Variants in CTCF observed in about 807,000 individuals in gnomAD.
The protein encoded by CTCF is CCCTC-binding factor.
In CTCF, 7 loss-of-function variants were observed where a neutral mutation model predicts 72.3. That is an observed-to-expected ratio of 0.10 (90% CI 0.06 to 0.18). CTCF has a LOEUF of 0.18. CTCF is among the 10% of genes least tolerant of loss of function. The pLI, the probability that CTCF is intolerant of heterozygous loss-of-function variation, is 1.00. For synonymous variants in CTCF, 374 were observed against 315.8 expected, an observed-to-expected ratio of 1.18 and a Z score of -1.95; for missense variants, 516 against 949.1, an observed-to-expected ratio of 0.54 and a Z score of 6.00.
At chr16:67,620,310 C>T (rs1428063715) in intron 5 of CTCF, among the ~76,000 whole-genome samples, 1 of 152,106 alleles carries the variant, frequency 6.6e-6, no homozygotes, top group Admixed American at 6.6e-5. Context: ...AAGAGATTCT[C>T]CAGCCTCAGC....
At chr16:67,571,828 A>T (rs971016509) in intron 2 of CTCF, among the ~76,000 whole-genome samples, 4 of 152,180 alleles carry the variant, frequency 2.6e-5, no homozygotes, top group African/African-American at 9.7e-5. Flanking sequence ...TATCATTTTA[A>T]TTTAGCCTGT....
At chr16:67,567,487 T>A (rs1015775108) in intron 1 of CTCF, among the ~76,000 whole-genome samples, 2 of 152,250 alleles carry the variant, frequency 1.3e-5, no homozygotes, top group African/African-American at 4.8e-5. Context: ...TTTAGCTTCA[T>A]CTAAGTATTA....
intron 8 of CTCF, 171 bp downstream of exon 8, chr16:67,626,886 G>A (rs1315335685): frequency 1.2e-5 from 5 of 423,174 alleles, no homozygotes; most frequent in East Asian, 7.2e-5. Context: ...GTGTCATCCC[G>A]GTGTCCAGAT....
chr16:67,604,744 TG>T (rs1473363622), intron 2 of CTCF, among the ~76,000 whole-genome samples: 4,867 of 128,328 alleles, frequency 0.038, 326 homozygotes, highest in African/African-American at 0.15. Flanking sequence ...TTTTTTTTTT[TG>T]TTTTTTGTTT....
intron 2 of CTCF, among the ~76,000 whole-genome samples, chr16:67,595,349 C>T (rs753801500): frequency 6.6e-6 from 1 of 152,030 alleles, no homozygotes; most frequent in African/African-American, 2.4e-5. Flanking sequence ...TACTCTTTCT[C>T]CTTCATTCCT....
At chr16:67,602,819 C>T (rs976008831) in intron 2 of CTCF, among the ~76,000 whole-genome samples, 2 of 106,118 alleles carry the variant, frequency 1.9e-5, no homozygotes, top group African/African-American at 7.6e-5. Context: ...CCAGCCTAGG[C>T]AACAAGAGTG....
intron 2 of CTCF, among the ~76,000 whole-genome samples, chr16:67,589,350 CA>C (rs1380299369): frequency 1.3e-5 from 2 of 152,114 alleles, no homozygotes; most frequent in African/African-American, 4.8e-5. Flanking sequence ...TGGCTTAATA[CA>C]GTTCCACTCA....
chr16:67,572,291 C>T (rs1011050271), intron 2 of CTCF, among the ~76,000 whole-genome samples: 3 of 152,176 alleles, frequency 2.0e-5, no homozygotes, highest in African/African-American at 4.8e-5. Flanking sequence ...ATAACTTACG[C>T]CCTGCAGGTT....
At chr16:67,586,681 T>C (rs1057167018) in intron 2 of CTCF, among the ~76,000 whole-genome samples, 1 of 152,226 alleles carries the variant, frequency 6.6e-6, no homozygotes, top group African/African-American at 2.4e-5. Flanking sequence ...TTTGTTTCTT[T>C]TGTTGTTTAA....
intron 2 of CTCF, among the ~76,000 whole-genome samples, chr16:67,584,802 A>G (rs2051647044): frequency 6.6e-6 from 1 of 152,094 alleles, no homozygotes. Flanking sequence ...AAAGTGATTC[A>G]CCTAAGGTCA....
At chr16:67,602,063 C>T (rs966553973) in intron 2 of CTCF, among the ~76,000 whole-genome samples, 1 of 152,192 alleles carries the variant, frequency 6.6e-6, no homozygotes. Context: ...GGGGTTTCAC[C>T]ATGTAGGTCA....
chr16:67,620,310 C>G (rs1428063715), intron 5 of CTCF, among the ~76,000 whole-genome samples: 2 of 152,106 alleles, frequency 1.3e-5, no homozygotes, highest in African/African-American at 2.4e-5. Flanking sequence ...AAGAGATTCT[C>G]CAGCCTCAGC....
At chr16:67,583,579 C>T (rs1165813156) in intron 2 of CTCF, among the ~76,000 whole-genome samples, 4 of 151,492 alleles carry the variant, frequency 2.6e-5, no homozygotes, top group African/African-American at 7.3e-5. Context: ...CTCAGCCACT[C>T]GGGAGGCCGA....
intron 2 of CTCF, among the ~76,000 whole-genome samples, chr16:67,607,971 A>G (rs974418043): frequency 2.1e-5 from 3 of 145,186 alleles, no homozygotes; most frequent in African/African-American, 5.3e-5. Context: ...GTGAGCCAAG[A>G]TCACGCCATT....
chr16:67,635,348 T>C (rs1406461686), intron 10 of CTCF, among the ~76,000 whole-genome samples: 4 of 151,576 alleles, frequency 2.6e-5, no homozygotes, highest in Admixed American at 6.6e-5. Flanking sequence ...TTTTTTAAAG[T>C]AGAGACGGGG....
intron 2 of CTCF, among the ~76,000 whole-genome samples, chr16:67,585,085 G>A (rs2051651431): frequency 6.6e-6 from 1 of 152,104 alleles, no homozygotes; most frequent in Non-Finnish European, 1.5e-5. Flanking sequence ...TGCTCTTACT[G>A]CCCAGTCTGG....
chr16:67,580,677 T>G (rs2051566510), intron 2 of CTCF, among the ~76,000 whole-genome samples: 1 of 151,660 alleles, frequency 6.6e-6, no homozygotes, highest in Non-Finnish European at 1.5e-5. Flanking sequence ...TTCTCCTGCC[T>G]CGGCCTCCAG....
chr16:67,583,262 C>T (rs996068377), intron 2 of CTCF, among the ~76,000 whole-genome samples: 8 of 151,996 alleles, frequency 5.3e-5, no homozygotes, highest in African/African-American at 1.9e-4. Flanking sequence ...GCTAGGATTA[C>T]AGGCATGAGC....
chr16:67,581,251 G>A (rs1240275420), intron 2 of CTCF, among the ~76,000 whole-genome samples: 1 of 151,906 alleles, frequency 6.6e-6, no homozygotes. Context: ...TTTTAATTAG[G>A]TTGGAATCCT....
Sources: gnomAD v4.1 joint callset for allele counts (sites outside exome capture counted in the v4.1 genomes callset) on GRCh38, gnomAD v4.1.1 for gene constraint, MANE v1.5 for transcripts, NCBI Gene and HGNC (gene_info 2026-07-23, HGNC 2026-07-21) for gene names.